Variants in CRTC3 observed in about 807,000 individuals in gnomAD.
The protein encoded by CRTC3 is CREB regulated transcription coactivator 3, also known as CREB-regulated transcription coactivator 3.
CRTC3 carries 26 observed loss-of-function variants against 74.5 expected under a neutral mutation model. The observed-to-expected ratio is 0.35, with a 90% CI of 0.26 to 0.48. CRTC3 has a LOEUF of 0.48. CRTC3 is among the 20% of genes least tolerant of loss of function. The probability of loss-of-function intolerance (pLI) is 0.99; values close to 1 mark genes in which losing one functional copy is unlikely to be tolerated. For synonymous variants in CRTC3, 377 were observed against 325.8 expected, an observed-to-expected ratio of 1.16 and a Z score of -1.69; for missense variants, 760 against 787.3, an observed-to-expected ratio of 0.97 and a Z score of 0.41.
rs1337726858 is a variant in CRTC3, at chr15:90,602,331, G to A, written c.359G>A (p.Gly120Asp). ...SGDKPGRQFD[G>D]SAFGANYSSQ... ...CTTTATTAAAAATTCTACTTTGATG[G>A]TAGTGCTTTTGGAGCCAATTATTCC... Residue 120 changes from glycine (G) to aspartate (D), a missense_variant, in exon 4 of 15, where the codon GGT becomes GAT. This residue lies in a region of CRTC3 where 652 missense variants were observed against 635.2 expected (regional missense o/e 1.03). Coordinates refer to ENST00000268184, the MANE Select transcript of CRTC3 (RefSeq NM_022769.5). The A allele has an allele frequency of 6.3e-7, 1 of 1,579,366 alleles. No homozygotes were observed. Among genetic ancestry groups the A allele is most frequent in the South Asian group, 1.1e-5 (1 of 89,398 alleles).
At chr15:90,628,362 G>A (rs1968916723) in intron 10 of CRTC3, among the ~76,000 whole-genome samples, 1 of 152,146 alleles carries the variant, frequency 6.6e-6, no homozygotes, top group African/African-American at 2.4e-5. Flanking sequence ...CCCACCTGCT[G>A]GTACAAGAAA....
chr15:90,593,896 G>A, intron 3 of CRTC3, 141 bp downstream of exon 3: 5 of 789,626 alleles, frequency 6.3e-6, no homozygotes, highest in East Asian at 2.8e-5. Flanking sequence ...TAAATGAGTT[G>A]GAAACTAGAA....
At chr15:90,587,991 T>C (rs548593471) in intron 2 of CRTC3, among the ~76,000 whole-genome samples, 172 of 149,764 alleles carry the variant, frequency 1.1e-3, no homozygotes, top group Non-Finnish European at 2.3e-3. Flanking sequence ...CTCATGCCTG[T>C]GATCCCAGCA....
At chr15:90,598,740 T>C (rs1272273505) in intron 3 of CRTC3, 10 of 566,512 alleles carry the variant, frequency 1.8e-5, no homozygotes, top group Non-Finnish European at 2.5e-5. Flanking sequence ...GCACTTGGAG[T>C]TCACAAAAGA....
chr15:90,634,054 C>T (rs923764735), intron 11 of CRTC3, among the ~76,000 whole-genome samples: 9 of 151,544 alleles, frequency 5.9e-5, no homozygotes, highest in African/African-American at 2.2e-4. Flanking sequence ...TCCTAAATTG[C>T]ATAAAAGTAG....
intron 2 of CRTC3, among the ~76,000 whole-genome samples, chr15:90,543,870 T>TC (rs1426582966): frequency 2.0e-5 from 3 of 152,134 alleles, no homozygotes; most frequent in African/African-American, 2.4e-5. Flanking sequence ...GTATTCTCCA[T>TC]CCCCCACCTC....
At chr15:90,614,920 C>T (rs978907177) in intron 7 of CRTC3, among the ~76,000 whole-genome samples, 2 of 151,862 alleles carry the variant, frequency 1.3e-5, no homozygotes, top group Non-Finnish European at 2.9e-5. Context: ...AAAAATTAGC[C>T]GGGCGTGGTG....
chr15:90,596,486 A>G (rs768841119), intron 3 of CRTC3: 10 of 152,172 alleles, frequency 6.6e-5, no homozygotes, highest in Admixed American at 2.6e-4. Context: ...ATGCAGAGAA[A>G]TTAAAGTTAT....
chr15:90,567,394 A>T (rs1967146880), intron 2 of CRTC3, among the ~76,000 whole-genome samples: 1 of 152,074 alleles, frequency 6.6e-6, no homozygotes, highest in South Asian at 2.1e-4. Context: ...AACAACTAAA[A>T]TATTACTCCT....
At position 90,629,420 on chromosome 15, in the gene CRTC3, G is replaced by T. The variant is rs1215896378; in HGVS notation, c.1154G>T (p.Arg385Leu). ...STTNLSGPSR[R>L]RQPPVSPLTL... Reference sequence around the variant, plus strand: ...ACAAACCTGAGCGGCCCGTCTCGGCGTCGGCAGCCTCCCGTCAGCCCTCTC... The same window carrying T: ...ACAAACCTGAGCGGCCCGTCTCGGCTTCGGCAGCCTCCCGTCAGCCCTCTC... Residue 385 changes from arginine (R) to leucine (L), a missense_variant, in exon 11 of 15, where the codon CGT (arginine) becomes CTT (leucine). Coordinates refer to ENST00000268184, the MANE Select transcript of CRTC3 (RefSeq NM_022769.5). 6.2e-7 allele frequency: 1 copy of T among 1,613,948 alleles called. No individual in the cohort carries two copies. The highest frequency in any genetic ancestry group is 2.2e-5 in the East Asian group (1 of 44,870).
At chr15:90,560,857 G>A (rs1158023646) in intron 2 of CRTC3, among the ~76,000 whole-genome samples, 1 of 152,180 alleles carries the variant, frequency 6.6e-6, no homozygotes, top group East Asian at 1.9e-4. Context: ...TAAGCCGCTT[G>A]GGGGGTTCAA....
intron 1 of CRTC3, among the ~76,000 whole-genome samples, chr15:90,532,101 G>T (rs1376100111): frequency 6.6e-6 from 1 of 152,048 alleles, no homozygotes; most frequent in East Asian, 1.9e-4. Flanking sequence ...GTGTCATTTT[G>T]CCCTTCACCT....
chr15:90,536,369 T>TAA (rs1161017517), intron 1 of CRTC3, among the ~76,000 whole-genome samples: 2 of 136,082 alleles, frequency 1.5e-5, no homozygotes, highest in Non-Finnish European at 1.6e-5. Context: ...AATCCGTCTC[T>TAA]AAAAAAAAAA....
chr15:90,605,569 T>A (rs1269404670), intron 5 of CRTC3, among the ~76,000 whole-genome samples: 1 of 151,380 alleles, frequency 6.6e-6, no homozygotes, highest in Admixed American at 6.6e-5. Flanking sequence ...CCCAGTTGGC[T>A]CTGCATTCGT....
In CRTC3 at chr15:90,551,944, G is replaced by A. The variant is rs74037337; in HGVS notation, c.231+11807G>A. On this transcript the variant is annotated intron_variant, in intron 2 of 14. Transcript: ENST00000268184. Reference sequence around the variant, plus strand: ...ATTACACACACGCACACACACACACGCACACACACACACACACACACACAA... The same window carrying A: ...ATTACACACACGCACACACACACACACACACACACACACACACACACACAA... Among the ~76,000 whole-genome samples the A allele has an allele frequency of 7.0e-3, 909 of 129,176 alleles. 34 individuals are homozygous for A. Among genetic ancestry groups the A allele is most frequent in the African/African-American group, 0.03 (811 of 27,402 alleles). 84.7% of individuals were successfully genotyped at this position (129,176 alleles called of 152,430 possible). A position where few individuals can be genotyped will look rare whatever the true frequency, so the allele number is the denominator to read the frequency against.
intron 2 of CRTC3, among the ~76,000 whole-genome samples, chr15:90,570,424 G>C (rs1967236054): frequency 6.6e-6 from 1 of 152,092 alleles, no homozygotes; most frequent in African/African-American, 2.4e-5. Context: ...CATTAGAAAA[G>C]TCGGTTATGT....
Position 90,581,417 on chromosome 15 carries a change from C to G in CRTC3, c.232-12219C>G, listed in dbSNP as rs113068153. Among the ~76,000 whole-genome samples, 468 of 152,222 alleles carry G rather than the reference C, an allele frequency of 3.1e-3. 6 individuals are homozygous for G. The highest frequency in any genetic ancestry group is 0.011 in the African/African-American group (438 of 41,516). ...CCAGACATGTTTTCTCTTATACTTT[C>G]CTAGTTCCTTTGTGACATCGTATGC... On this transcript the variant is annotated intron_variant, in intron 2 of 14. Transcript: ENST00000268184.
chr15:90,626,980 G>A lies in CRTC3; in HGVS notation c.967+987G>A, dbSNP rs141003905. Among the ~76,000 whole-genome samples the A allele has an allele frequency of 4.4e-3, 675 of 152,274 alleles. 6 individuals are homozygous for A. The highest frequency in any genetic ancestry group is 0.015 in the African/African-American group (604 of 41,560). On this transcript the variant is annotated intron_variant, in intron 10 of 14. Coordinates refer to ENST00000268184, the MANE Select transcript of CRTC3 (RefSeq NM_022769.5). Reference sequence around the variant, plus strand: ...CAGTGGTGCAGTACAGCCCCTGGCCGTAACAGTCCTACCCAGAATTGTGTT... The same window carrying A: ...CAGTGGTGCAGTACAGCCCCTGGCCATAACAGTCCTACCCAGAATTGTGTT...
At chr15:90,535,136 G>A (rs1289692764) in intron 1 of CRTC3, among the ~76,000 whole-genome samples, 13 of 149,140 alleles carry the variant, frequency 8.7e-5, no homozygotes, top group African/African-American at 3.2e-4. Context: ...ACTCCAACCT[G>A]GGCAACAAGA....
Sources: allele counts gnomAD v4.1 joint callset (sites outside exome capture counted in the v4.1 genomes callset), GRCh38; gene constraint gnomAD v4.1.1; regional missense constraint gnomAD v4.1.1; transcripts MANE v1.5; gene names NCBI Gene and HGNC (gene_info 2026-07-23, HGNC 2026-07-21).